Variants in SCN8A observed in about 807,000 individuals in gnomAD.
SCN8A encodes sodium voltage-gated channel alpha subunit 8.
A neutral mutation model predicts 184.1 loss-of-function variants in SCN8A; 30 were observed. The observed-to-expected ratio is 0.16, with a 90% confidence interval of 0.12 to 0.22. SCN8A has a LOEUF of 0.22. SCN8A is among the 10% of genes least tolerant of loss of function. SCN8A has a pLI of 1.00. For missense variants in SCN8A, 1,057 were observed against 2,498.9 expected (o/e 0.42, Z 12.30); for synonymous variants, 852 against 907.0 (o/e 0.94, Z 1.09).
At chr12:51,640,070 A>AT (rs1353132156) in intron 1 of SCN8A, among the ~76,000 whole-genome samples, 1 of 143,434 alleles carries the variant, frequency 7.0e-6, no homozygotes. Context: ...CACTCTGCTA[A>AT]TTTTTTTTAA....
At chr12:51,752,664 G>A (rs1363347017) in intron 14 of SCN8A, among the ~76,000 whole-genome samples, 1 of 152,162 alleles carries the variant, frequency 6.6e-6, no homozygotes, top group Non-Finnish European at 1.5e-5. Context: ...GTGCAGTCCA[G>A]TGGAATGCCC....
chr12:51,604,492 T>G (rs1013372148), intron 1 of SCN8A, among the ~76,000 whole-genome samples: 1 of 152,006 alleles, frequency 6.6e-6, no homozygotes, highest in Non-Finnish European at 1.5e-5. Context: ...TTTGTTTGTT[T>G]GTTTGTTTTT....
intron 25 of SCN8A, among the ~76,000 whole-genome samples, chr12:51,792,261 G>A (rs1408919146): frequency 6.7e-6 from 1 of 149,016 alleles, no homozygotes; most frequent in African/African-American, 2.5e-5. Flanking sequence ...CAGGCAGATC[G>A]CTTGAGCCTA....
intron 12 of SCN8A, among the ~76,000 whole-genome samples, chr12:51,731,425 A>G (rs1200440856): frequency 6.6e-6 from 1 of 150,956 alleles, no homozygotes; most frequent in Non-Finnish European, 1.5e-5. Context: ...TAATTTTTGT[A>G]TTTTTAGTAG....
chr12:51,691,773 T>C (rs1374183718), intron 6 of SCN8A, among the ~76,000 whole-genome samples: 3 of 152,308 alleles, frequency 2.0e-5, no homozygotes, highest in Admixed American at 6.5e-5. Context: ...TCTCAATCTT[T>C]TTGCTCCCGA....
intron 1 of SCN8A, among the ~76,000 whole-genome samples, chr12:51,623,964 G>A (rs1807030621): frequency 6.6e-6 from 1 of 152,180 alleles, no homozygotes. Context: ...TGGCTGCATA[G>A]TATTCCATGG....
chr12:51,663,460 A>G lies in SCN8A; in HGVS notation c.276+367A>G, dbSNP rs1940965586. Among the ~76,000 whole-genome samples the G allele has an allele frequency of 2.0e-5, 3 of 152,196 alleles. No individual in the cohort carries two copies. The South Asian group carries it at 6.2e-4, about 31-fold the overall frequency. ...TCTTTAATATAAAGATGTTGTTACTATTGTGACATCAGTAGAGTAGTGTGG... is the reference window on the plus strand; with the variant it reads ...TCTTTAATATAAAGATGTTGTTACTGTTGTGACATCAGTAGAGTAGTGTGG... On this transcript the variant is annotated intron_variant, in intron 2 of 26. Coordinates refer to ENST00000627620, the MANE Select transcript of SCN8A (RefSeq NM_001330260.2).
intron 1 of SCN8A, among the ~76,000 whole-genome samples, chr12:51,650,560 A>G (rs1940688677): frequency 7.1e-6 from 1 of 140,088 alleles, no homozygotes; most frequent in Admixed American, 7.7e-5. Flanking sequence ...CCCAAGCTGC[A>G]GTGCAGTGGT....
In SCN8A at chr12:51,806,183, C is replaced by A; in HGVS notation, c.4796-99C>A. The stretch of plus-strand genomic sequence containing the variant: ...ATAGTAAGGCACTTATTCTGCAAAG[C>A]CCTTTGAACCTAAGGGTTCCACAAT... On this transcript the variant is annotated intron_variant, in intron 26 of 26. Coordinates refer to ENST00000627620, the MANE Select transcript of SCN8A (RefSeq NM_001330260.2). The surrounding 1 kb of genome is among the most constrained non-coding windows in gnomAD (Gnocchi z 8.7). The A allele has an allele frequency of 8.8e-7, 1 of 1,141,972 alleles. No individual in the cohort carries two copies. Among genetic ancestry groups the A allele is most frequent in the Non-Finnish European group, 1.2e-6 (1 of 816,806 alleles). 70.7% of individuals were successfully genotyped at this position (1,141,972 alleles called of 1,614,324 possible).
chr12:51,745,812 A>C, intron 12 of SCN8A, 91 bp from the exon 13 acceptor site: 1 of 1,040,256 alleles, frequency 9.6e-7, no homozygotes, highest in South Asian at 2.2e-5. Flanking sequence ...TGTAATGAAG[A>C]TCACACACTG....
chr12:51,758,145 G>A (rs1315276901), intron 14 of SCN8A, among the ~76,000 whole-genome samples: 3 of 152,098 alleles, frequency 2.0e-5, no homozygotes, highest in Non-Finnish European at 4.4e-5. Context: ...AGAACATAGC[G>A]AGACCCCATC....
chr12:51,646,457 G>T (rs2138643055), intron 1 of SCN8A, among the ~76,000 whole-genome samples: 1 of 152,302 alleles, frequency 6.6e-6, no homozygotes, highest in Non-Finnish European at 1.5e-5. Context: ...AAGATGGATG[G>T]TGCCAATGAC....
At chr12:51,655,751 T>A (rs1565875857) in intron 1 of SCN8A, among the ~76,000 whole-genome samples, 1 of 152,204 alleles carries the variant, frequency 6.6e-6, no homozygotes, top group Non-Finnish European at 1.5e-5. Context: ...TCTTTGAGTC[T>A]AGTTCAATCT....
intron 16 of SCN8A, 149 bp downstream of exon 16, chr12:51,766,176 C>A: frequency 1.4e-6 from 1 of 706,562 alleles, no homozygotes. Context: ...CCCTAAGGTA[C>A]AAATGAAGGA....
At chr12:51,688,769 A>G in intron 5 of SCN8A, 1 of 1,613,446 alleles carries the variant, frequency 6.2e-7, no homozygotes, top group East Asian at 2.2e-5. Flanking sequence ...TATATAACAG[A>G]GTTTGTAAAC....
At chr12:51,645,114 T>C (rs1407390682) in intron 1 of SCN8A, among the ~76,000 whole-genome samples, 306 of 114,534 alleles carry the variant, frequency 2.7e-3, no homozygotes, top group East Asian at 6.3e-3. Context: ...CCGCCCCGTC[T>C]GGCAGGTGAG....
At chr12:51,695,860 A>G (rs1941584032) in intron 6 of SCN8A, among the ~76,000 whole-genome samples, 1 of 152,220 alleles carries the variant, frequency 6.6e-6, no homozygotes, top group Non-Finnish European at 1.5e-5. Flanking sequence ...GACATCTGCA[A>G]CTACTGAGAG....
At chr12:51,624,226 C>T (rs1246407036) in intron 1 of SCN8A, among the ~76,000 whole-genome samples, 1 of 152,154 alleles carries the variant, frequency 6.6e-6, no homozygotes, top group Non-Finnish European at 1.5e-5. Context: ...ACAGTCCCAC[C>T]AACAGTGTAA....
intron 19 of SCN8A, 93 bp from the exon 20 acceptor site, chr12:51,774,096 G>C: frequency 8.9e-7 from 1 of 1,118,354 alleles, no homozygotes; most frequent in East Asian, 2.5e-5. Flanking sequence ...TGACAGGCCA[G>C]CCCATGTGGG....
Sources: allele counts gnomAD v4.1 joint callset (sites outside exome capture counted in the v4.1 genomes callset), GRCh38; gene constraint gnomAD v4.1.1; non-coding constraint Gnocchi (gnomAD v3.1); transcripts MANE v1.5; gene names NCBI Gene and HGNC (gene_info 2026-07-23, HGNC 2026-07-21).